The following CDH20 variants were observed in gnomAD, a reference collection of about 807,000 sequenced individuals.
The protein encoded by CDH20 is cadherin-20.
A neutral mutation model predicts 74.2 loss-of-function variants in CDH20; 29 were observed. The ratio of observed to expected loss-of-function variants is 0.39; its 90% CI spans 0.29 to 0.53. The LOEUF (loss-of-function observed/expected upper bound fraction) is 0.53, where lower values mean the gene tolerates loss of function less well. Ranked by LOEUF, CDH20 falls within the 20% of genes least tolerant of loss-of-function variation. CDH20 has a pLI of 0.69. For synonymous variants in CDH20, 469 were observed against 405.4 expected, an observed-to-expected ratio of 1.16 and a Z score of -1.88; for missense variants, 988 against 1,048.3, an observed-to-expected ratio of 0.94 and a Z score of 0.79.
At chr18:61,529,858 A>G (rs376205688) in intron 7 of CDH20, among the ~76,000 whole-genome samples, 10 of 152,176 alleles carry the variant, frequency 6.6e-5, no homozygotes, top group South Asian at 2.1e-4. Context: ...ATGATGACCA[A>G]TTGAAAACTA....
At chr18:61,429,089 T>G (rs777468044) in intron 1 of CDH20, among the ~76,000 whole-genome samples, 4 of 151,596 alleles carry the variant, frequency 2.6e-5, no homozygotes, top group Admixed American at 6.6e-5. Flanking sequence ...GTGAGGGGGG[T>G]TTTATCGAAT....
intron 1 of CDH20, among the ~76,000 whole-genome samples, chr18:61,454,015 A>G (rs547472205): frequency 2.6e-4 from 39 of 152,244 alleles, no homozygotes; most frequent in South Asian, 6.2e-4. Flanking sequence ...GGTGTATGGC[A>G]CTATGTCATA....
chr18:61,372,710 C>T lies in CDH20; in HGVS notation c.-153+38883C>T, dbSNP rs182806136. On this transcript the variant is annotated intron_variant, in intron 1 of 11. Coordinates refer to ENST00000262717, the MANE Select transcript of CDH20 (RefSeq NM_031891.4). The stretch of plus-strand genomic sequence containing the variant: ...ATAAAGCTTTATTGGAAAACAGCTA[C>T]GCTTGTTGATTTATGGATTGTCTAT... Among the ~76,000 whole-genome samples the T allele has an allele frequency of 4.3e-3, 659 of 152,196 alleles. 2 individuals carry two copies. The highest frequency in any genetic ancestry group is 8.1e-3 in the Non-Finnish European group (550 of 67,984).
At chr18:61,517,160 AC>A (rs1324939028) in intron 6 of CDH20, among the ~76,000 whole-genome samples, 1 of 152,214 alleles carries the variant, frequency 6.6e-6, no homozygotes, top group Non-Finnish European at 1.5e-5. Flanking sequence ...CTAAAAGGAA[AC>A]TTAGGAGAAA....
intron 6 of CDH20, among the ~76,000 whole-genome samples, chr18:61,521,578 C>T (rs1390346248): frequency 6.6e-6 from 1 of 151,346 alleles, no homozygotes; most frequent in Non-Finnish European, 1.5e-5. Flanking sequence ...TTTTATGAGG[C>T]CAGGATCATC....
intron 1 of CDH20, among the ~76,000 whole-genome samples, chr18:61,385,064 A>AT (rs1911548805): frequency 1.3e-5 from 2 of 152,202 alleles, no homozygotes; most frequent in South Asian, 4.1e-4. Context: ...TAACGTTTAG[A>AT]AACGCTAAAG....
At chr18:61,366,875 A>T (rs1403554184) in intron 1 of CDH20, among the ~76,000 whole-genome samples, 2 of 152,152 alleles carry the variant, frequency 1.3e-5, no homozygotes, top group Non-Finnish European at 2.9e-5. Context: ...CCTTTATACA[A>T]TGCTAAATTA....
At chr18:61,390,117 C>T (rs1488944497) in intron 1 of CDH20, among the ~76,000 whole-genome samples, 1 of 152,054 alleles carries the variant, frequency 6.6e-6, no homozygotes, top group African/African-American at 2.4e-5. Context: ...CAAAGGCAAG[C>T]TCCACTGCTT....
intron 1 of CDH20, among the ~76,000 whole-genome samples, chr18:61,467,604 G>A (rs1260352437): frequency 6.6e-6 from 1 of 152,132 alleles, no homozygotes; most frequent in Admixed American, 6.5e-5. Flanking sequence ...ACAATTATGA[G>A]GAAAGATGAA....
chr18:61,455,418 T>C (rs1253706663), intron 1 of CDH20, among the ~76,000 whole-genome samples: 1 of 152,228 alleles, frequency 6.6e-6, no homozygotes, highest in Non-Finnish European at 1.5e-5. Flanking sequence ...ATTAATGAAA[T>C]TATTTTTTGG....
At chr18:61,405,125 A>G in intron 1 of CDH20, 1 of 635,080 alleles carries the variant, frequency 1.6e-6, no homozygotes, top group Non-Finnish European at 2.9e-6. Flanking sequence ...ACCCCAGCAC[A>G]TGCTTCTCAC....
chr18:61,335,012 T>C (rs764390683), intron 1 of CDH20, among the ~76,000 whole-genome samples: 1 of 152,104 alleles, frequency 6.6e-6, no homozygotes, highest in Non-Finnish European at 1.5e-5. Context: ...AGAGCTGTGG[T>C]GCTGTCAGGG....
At chr18:61,371,116 G>C (rs1255326906) in intron 1 of CDH20, among the ~76,000 whole-genome samples, 1 of 152,210 alleles carries the variant, frequency 6.6e-6, no homozygotes, top group Non-Finnish European at 1.5e-5. Context: ...TCTTTTAAAA[G>C]AGAGATTATC....
At chr18:61,389,984 T>A (rs926306340) in intron 1 of CDH20, among the ~76,000 whole-genome samples, 6 of 152,154 alleles carry the variant, frequency 3.9e-5, no homozygotes, top group Non-Finnish European at 7.3e-5. Context: ...AACAAAAACC[T>A]TCCTTGCCCC....
At chr18:61,544,114 G>C (rs999426141) in intron 9 of CDH20, among the ~76,000 whole-genome samples, 1 of 152,226 alleles carries the variant, frequency 6.6e-6, no homozygotes, top group Non-Finnish European at 1.5e-5. Flanking sequence ...GTGTGTGATG[G>C]CATGGAGACT....
intron 1 of CDH20, among the ~76,000 whole-genome samples, chr18:61,480,689 T>C (rs1241839011): frequency 1.3e-5 from 2 of 152,194 alleles, no homozygotes; most frequent in African/African-American, 2.4e-5. Context: ...TTAGAGATCT[T>C]GGATCCGAAG....
chr18:61,512,190 G>A (rs61146954), intron 6 of CDH20, among the ~76,000 whole-genome samples: 11,497 of 152,206 alleles, frequency 0.076, 601 homozygotes, highest in East Asian at 0.18. Flanking sequence ...AGTACCTTGG[G>A]TCTTTTTAGC....
intron 1 of CDH20, among the ~76,000 whole-genome samples, chr18:61,453,685 C>T (rs1190524376): frequency 2.0e-5 from 3 of 152,102 alleles, no homozygotes; most frequent in African/African-American, 4.8e-5. Context: ...GTGGAGGTGC[C>T]CCAATGTGTT....
At chr18:61,391,130 G>C (rs891083108) in intron 1 of CDH20, among the ~76,000 whole-genome samples, 3 of 152,120 alleles carry the variant, frequency 2.0e-5, no homozygotes, top group Non-Finnish European at 4.4e-5. Flanking sequence ...TTCATCAACA[G>C]GGAAAAGAAT....
Sources: allele counts gnomAD v4.1 joint callset (sites outside exome capture counted in the v4.1 genomes callset), GRCh38; gene constraint gnomAD v4.1.1; transcripts MANE v1.5; gene names NCBI Gene and HGNC (gene_info 2026-07-23, HGNC 2026-07-21).